CLIC4: variants seen among roughly 807,000 people sequenced by gnomAD.
The protein encoded by CLIC4 is CLIC family member 4, also known as chloride intracellular channel protein 4.
Under a neutral mutation model 24.6 loss-of-function variants are expected in CLIC4, and 13 were observed. That is an observed-to-expected ratio of 0.53 (90% CI 0.34 to 0.84). The LOEUF is 0.84. Among genes scored for constraint, CLIC4 ranks in the 40% least tolerant of loss-of-function variants. The probability of loss-of-function intolerance (pLI) is 0.01; values close to 1 mark genes in which losing one functional copy is unlikely to be tolerated. For missense variants in CLIC4, 227 were observed against 301.7 expected (o/e 0.75, Z 1.83); for synonymous variants, 104 against 111.3 (o/e 0.93, Z 0.41).
At chr1:24,771,596 T>G (rs1639071912) in intron 1 of CLIC4, among the ~76,000 whole-genome samples, 1 of 146,458 alleles carries the variant, frequency 6.8e-6, no homozygotes, top group South Asian at 2.1e-4. Context: ...TTTATTAGTG[T>G]TTTTTGGCAA....
At chr1:24,781,754 G>C (rs938573917) in intron 1 of CLIC4, among the ~76,000 whole-genome samples, 2 of 151,674 alleles carry the variant, frequency 1.3e-5, no homozygotes, top group Non-Finnish European at 2.9e-5. Context: ...CACTTTAAGG[G>C]AATCTCCTGC....
At chr1:24,838,767 C>T (rs936746113) in intron 4 of CLIC4, among the ~76,000 whole-genome samples, 1 of 152,026 alleles carries the variant, frequency 6.6e-6, no homozygotes, top group Non-Finnish European at 1.5e-5. Flanking sequence ...ATTCCTACCC[C>T]CTTTCTGCTG....
intron 3 of CLIC4, among the ~76,000 whole-genome samples, chr1:24,825,263 A>G (rs1338872439): frequency 6.6e-6 from 1 of 152,204 alleles, no homozygotes. Flanking sequence ...AGGAAGACAT[A>G]GATGTATTGA....
rs1329816946 is a variant in CLIC4, at chr1:24,835,814, A to G, written c.416-4046A>G. On this transcript the variant is annotated intron_variant, in intron 4 of 5. Transcript: ENST00000374379. ...CCATAGGAAGGTAGGAGAGAAGAAA[A>G]GAACACAGAACAGGTGGACAAATAA... Among the ~76,000 whole-genome samples the G allele has an allele frequency of 3.9e-5, 6 of 152,356 alleles. No individual in the cohort carries two copies. The East Asian group carries it at 1.2e-3, about 29-fold the overall frequency.
At position 24,841,383 on chromosome 1, in the gene CLIC4, A is replaced by G. The variant is rs1639940604; in HGVS notation, c.*446A>G. 6.6e-6 allele frequency: 1 copy of G among 152,480 alleles called. No homozygotes were observed. Among genetic ancestry groups the G allele is most frequent in the African/African-American group, 2.4e-5 (1 of 41,478 alleles). 9.4% of individuals were successfully genotyped at this position (152,480 alleles called of 1,614,324 possible). On this transcript the variant is annotated 3_prime_UTR_variant, in exon 6 of 6. Coordinates refer to ENST00000374379, the MANE Select transcript of CLIC4 (RefSeq NM_013943.3). ...AAGAAATATTTATGTATTTTTTGGA[A>G]TTTTGTAATATTTAGTAAGAGTATA...
intron 1 of CLIC4, among the ~76,000 whole-genome samples, chr1:24,761,032 T>C (rs1638921263): frequency 6.6e-6 from 1 of 152,102 alleles, no homozygotes; most frequent in African/African-American, 2.4e-5. Flanking sequence ...TCTGGATATA[T>C]TCTAAGATGG....
chr1:24,799,758 G>GC (rs1424252845), intron 2 of CLIC4, among the ~76,000 whole-genome samples: 1 of 115,432 alleles, frequency 8.7e-6, no homozygotes, highest in Non-Finnish European at 1.9e-5. Context: ...GGGGGGGTCA[G>GC]CCCCCTGCCC....
intron 2 of CLIC4, among the ~76,000 whole-genome samples, chr1:24,802,711 CT>C (rs535381018): frequency 1.8e-3 from 246 of 136,868 alleles, no homozygotes; most frequent in Middle Eastern, 3.7e-3. Flanking sequence ...TTTTCTTTTT[CT>C]TTTTTTTTTT....
chr1:24,763,409 G>A (rs944261099), intron 1 of CLIC4, among the ~76,000 whole-genome samples: 4 of 151,554 alleles, frequency 2.6e-5, no homozygotes, highest in African/African-American at 7.3e-5. Flanking sequence ...GCGTTGTGGC[G>A]CATGCTTGTA....
intron 3 of CLIC4, among the ~76,000 whole-genome samples, chr1:24,815,834 G>GTAGA (rs575542785): frequency 1.4e-4 from 21 of 152,326 alleles, no homozygotes; most frequent in African/African-American, 4.6e-4. Context: ...TTTACCCACA[G>GTAGA]TAGAACCTTT....
At chr1:24,779,210 C>T (rs1433260380) in intron 1 of CLIC4, among the ~76,000 whole-genome samples, 1 of 152,150 alleles carries the variant, frequency 6.6e-6, no homozygotes, top group Non-Finnish European at 1.5e-5. Flanking sequence ...TAGCTTACGC[C>T]TGTACTCCCA....
intron 1 of CLIC4, among the ~76,000 whole-genome samples, chr1:24,762,049 G>A (rs1638932944): frequency 6.6e-6 from 1 of 152,100 alleles, no homozygotes; most frequent in African/African-American, 2.4e-5. Context: ...TCTAGGCAGG[G>A]TAGAGATATT....
chr1:24,825,890 G>GT (rs1639783033), intron 3 of CLIC4, among the ~76,000 whole-genome samples: 1 of 152,148 alleles, frequency 6.6e-6, no homozygotes, highest in Non-Finnish European at 1.5e-5. Flanking sequence ...ACACTGTAAG[G>GT]TTTTTTCTAA....
chr1:24,804,866 C>T (rs772213969), intron 2 of CLIC4, among the ~76,000 whole-genome samples: 7 of 151,648 alleles, frequency 4.6e-5, no homozygotes, highest in East Asian at 1.9e-4. Flanking sequence ...TTTGAGAGGC[C>T]GGGGCAGGTG....
At chr1:24,772,881 T>C (rs1367246810) in intron 1 of CLIC4, among the ~76,000 whole-genome samples, 5 of 152,246 alleles carry the variant, frequency 3.3e-5, no homozygotes, top group African/African-American at 1.2e-4. Context: ...TGTTGAGAGC[T>C]AATATTTTAT....
rs1639519671 is a variant in CLIC4, at chr1:24,804,106, T to G, written c.182+6255T>G. Among the ~76,000 whole-genome samples, 3 of 152,066 alleles carry G rather than the reference T, an allele frequency of 2.0e-5. No individual in the cohort carries two copies. In the South Asian group the frequency reaches 6.2e-4, roughly 31 times the overall value. ...AGTCTTCAGTAACTTAAGAAATCAT[T>G]TCAACTTCCATGATCTTCAGTAGCA... On this transcript the variant is annotated intron_variant, in intron 2 of 5. Transcript: ENST00000374379.
intron 4 of CLIC4, among the ~76,000 whole-genome samples, chr1:24,837,677 T>C (rs1425361850): frequency 1.3e-5 from 2 of 152,192 alleles, no homozygotes; most frequent in Non-Finnish European, 2.9e-5. Context: ...CAAAAGGTAG[T>C]ACAACCAAGT....
At chr1:24,805,592 T>C (rs1489144399) in intron 2 of CLIC4, among the ~76,000 whole-genome samples, 4 of 152,156 alleles carry the variant, frequency 2.6e-5, no homozygotes, top group Non-Finnish European at 5.9e-5. Context: ...TATTGTTCTC[T>C]TTCTGGAGAA....
chr1:24,775,086 AAAGT>A (rs1056865483), intron 1 of CLIC4, among the ~76,000 whole-genome samples: 1 of 151,378 alleles, frequency 6.6e-6, no homozygotes, highest in African/African-American at 2.4e-5. Flanking sequence ...AAAAAAAAAG[AAAGT>A]GATTCCATGT....
Sources: gnomAD v4.1 joint callset for allele counts (sites outside exome capture counted in the v4.1 genomes callset) on GRCh38, gnomAD v4.1.1 for gene constraint, MANE v1.5 for transcripts, NCBI Gene and HGNC (gene_info 2026-07-23, HGNC 2026-07-21) for gene names.